NYAP2: variants seen among roughly 807,000 people sequenced by gnomAD.
NYAP2 encodes neuronal tyrosine-phosphorylated phosphoinositide-3-kinase adaptor 2.
In NYAP2, 23 loss-of-function variants were observed where a neutral mutation model predicts 50.4. The observed-to-expected ratio is 0.46, with a 90% CI of 0.33 to 0.65. The LOEUF is 0.65. NYAP2 is among the 30% of genes least tolerant of loss of function. The pLI, the probability that NYAP2 is intolerant of heterozygous loss-of-function variation, is 0.02. For synonymous variants in NYAP2, 394 were observed against 365.2 expected, an observed-to-expected ratio of 1.08 and a Z score of -0.90; for missense variants, 885 against 861.0, an observed-to-expected ratio of 1.03 and a Z score of -0.35.
At chr2:225,557,055 C>A (rs1466960724) in intron 4 of NYAP2, among the ~76,000 whole-genome samples, 1 of 152,148 alleles carries the variant, frequency 6.6e-6, no homozygotes, top group African/African-American at 2.4e-5. Context: ...AAGCAAAACA[C>A]ACATATCTAA....
downstream of NYAP2, among the ~76,000 whole-genome samples, chr2:225,658,884 A>G (rs1693867792): frequency 5.3e-5 from 8 of 152,222 alleles, no homozygotes; most frequent in Admixed American, 5.2e-4. Flanking sequence ...AGTAATTTAC[A>G]TATTATTTAG....
chr2:225,688,935 G>T, the NYAP2 span, among the ~76,000 whole-genome samples: 1 of 152,166 alleles, frequency 6.6e-6, no homozygotes, highest in Non-Finnish European at 1.5e-5. Flanking sequence ...CAGAGATGGG[G>T]TTTTGCCAAG....
intron 4 of NYAP2, among the ~76,000 whole-genome samples, chr2:225,555,080 A>G (rs1691753587): frequency 1.3e-5 from 2 of 152,302 alleles, no homozygotes; most frequent in South Asian, 4.1e-4. Flanking sequence ...TTTATTATCT[A>G]TACAAAATAT....
At chr2:225,409,975 G>C (rs1320053568) in intron 3 of NYAP2, among the ~76,000 whole-genome samples, 3 of 152,020 alleles carry the variant, frequency 2.0e-5, no homozygotes. Context: ...AAGATATTTT[G>C]ATGGTTAATT....
At chr2:225,559,886 G>A (rs1028355978) in intron 4 of NYAP2, among the ~76,000 whole-genome samples, 1 of 151,888 alleles carries the variant, frequency 6.6e-6, no homozygotes, top group Admixed American at 6.6e-5. Flanking sequence ...GAGATATTTT[G>A]CCCCTTTCCC....
intron 5 of NYAP2, among the ~76,000 whole-genome samples, chr2:225,608,622 A>C (rs1219021316): frequency 1.3e-5 from 2 of 151,974 alleles, no homozygotes; most frequent in Admixed American, 1.3e-4. Flanking sequence ...CCATCTTTCA[A>C]TTTTTTAAAA....
At chr2:225,553,879 A>C (rs1008447282) in intron 4 of NYAP2, among the ~76,000 whole-genome samples, 1 of 152,118 alleles carries the variant, frequency 6.6e-6, no homozygotes, top group African/African-American at 2.4e-5. Flanking sequence ...TCTACTAAAA[A>C]TACAAAAGTT....
chr2:225,449,488 T>C (rs1363171011), intron 3 of NYAP2, among the ~76,000 whole-genome samples: 1 of 152,224 alleles, frequency 6.6e-6, no homozygotes, highest in Non-Finnish European at 1.5e-5. Flanking sequence ...TCATTAAATG[T>C]GTGTAACACA....
chr2:225,564,803 A>G (rs1691935319), intron 4 of NYAP2, among the ~76,000 whole-genome samples: 1 of 152,142 alleles, frequency 6.6e-6, no homozygotes, highest in African/African-American at 2.4e-5. Flanking sequence ...TGAGAAGTAT[A>G]GAAAATAACT....
chr2:225,465,101 T>A (rs1336425404), intron 3 of NYAP2, among the ~76,000 whole-genome samples: 1 of 152,162 alleles, frequency 6.6e-6, no homozygotes, highest in African/African-American at 2.4e-5. Context: ...AGAGCTGATA[T>A]AAGGAAAATA....
chr2:225,657,695 C>T (rs1027869805), downstream of NYAP2, among the ~76,000 whole-genome samples: 1 of 151,868 alleles, frequency 6.6e-6, no homozygotes, highest in African/African-American at 2.4e-5. Flanking sequence ...TTACAATTCT[C>T]AGGCCACTAT....
intron 4 of NYAP2, among the ~76,000 whole-genome samples, chr2:225,557,966 G>C (rs958145452): frequency 1.2e-4 from 19 of 152,142 alleles, no homozygotes. Context: ...AAATTTAAAA[G>C]ATCCAGAGAA....
intron 3 of NYAP2, among the ~76,000 whole-genome samples, chr2:225,457,585 C>T (rs978834991): frequency 3.3e-5 from 5 of 152,178 alleles, no homozygotes; most frequent in African/African-American, 1.2e-4. Context: ...AACATCTTAA[C>T]CCCTGAGTCC....
chr2:225,530,543 C>A (rs1230908694), intron 4 of NYAP2, among the ~76,000 whole-genome samples: 1 of 152,188 alleles, frequency 6.6e-6, no homozygotes, highest in Non-Finnish European at 1.5e-5. Context: ...TACTAATTTT[C>A]ATCTTCTTAC....
At chr2:225,559,774 T>A (rs866011265) in intron 4 of NYAP2, among the ~76,000 whole-genome samples, 50 of 152,098 alleles carry the variant, frequency 3.3e-4, no homozygotes, top group Admixed American at 1.3e-3. Context: ...ATAAGGTATA[T>A]TTTTCCTAGT....
At chr2:225,626,612 T>A (rs1344237468) in intron 5 of NYAP2, among the ~76,000 whole-genome samples, 1 of 151,948 alleles carries the variant, frequency 6.6e-6, no homozygotes, top group Non-Finnish European at 1.5e-5. Flanking sequence ...GTAAAGAGAG[T>A]GAGTGTGAAG....
chr2:225,620,393 ACGCACACACG>A (rs1169336797), intron 5 of NYAP2, among the ~76,000 whole-genome samples: 31 of 151,740 alleles, frequency 2.0e-4, no homozygotes, highest in African/African-American at 7.0e-4. Context: ...ACACGCACGC[ACGCACACACG>A]CGCACGCACA....
chr2:225,413,000 A>G (rs1695071911), intron 3 of NYAP2, among the ~76,000 whole-genome samples: 1 of 152,082 alleles, frequency 6.6e-6, no homozygotes. Flanking sequence ...TATCTCAAAC[A>G]CTATTTTATT....
At chr2:225,595,793 C>T (rs1010186124) in intron 5 of NYAP2, among the ~76,000 whole-genome samples, 2 of 152,142 alleles carry the variant, frequency 1.3e-5, no homozygotes, top group African/African-American at 2.4e-5. Context: ...CCATAGTTCT[C>T]CATTTAGCTT....
Sources: gnomAD v4.1 joint callset for allele counts (sites outside exome capture counted in the v4.1 genomes callset) on GRCh38, gnomAD v4.1.1 for gene constraint, MANE v1.5 for transcripts, NCBI Gene and HGNC (gene_info 2026-07-23, HGNC 2026-07-21) for gene names.